Variants in TAF3 observed in about 807,000 individuals in gnomAD.
The protein encoded by TAF3 is transcription initiation factor TFIID subunit 3.
A neutral mutation model predicts 80.6 loss-of-function variants in TAF3; 7 were observed. The ratio of observed to expected loss-of-function variants is 0.09; its 90% CI spans 0.05 to 0.16. The LOEUF is 0.16. TAF3 is among the 10% of genes least tolerant of loss of function. TAF3 has a pLI of 1.00. For missense variants in TAF3, 921 were observed against 1,140.2 expected, an observed-to-expected ratio of 0.81 and a Z score of 2.77; for synonymous variants, 444 against 446.1, an observed-to-expected ratio of 1.00 and a Z score of 0.06.
At chr10:7,903,545 T>TA (rs781700965) in intron 2 of TAF3, among the ~76,000 whole-genome samples, 8 of 152,246 alleles carry the variant, frequency 5.3e-5, no homozygotes, top group Admixed American at 2.6e-4. Context: ...AATATGTTTT[T>TA]ATCTTAGGAA....
intron 4 of TAF3, among the ~76,000 whole-genome samples, chr10:7,986,702 T>C (rs1470470167): frequency 1.3e-5 from 2 of 152,136 alleles, no homozygotes; most frequent in Non-Finnish European, 2.9e-5. Context: ...TAGACACAAA[T>C]GGTCAGGTCA....
intron 2 of TAF3, among the ~76,000 whole-genome samples, chr10:7,861,843 CTT>C (rs1212032807): frequency 6.6e-6 from 1 of 151,832 alleles, no homozygotes; most frequent in Non-Finnish European, 1.5e-5. Flanking sequence ...GTATTTATGT[CTT>C]TTTCCAAACT....
chr10:7,947,674 A>T (rs981026726), intron 2 of TAF3, among the ~76,000 whole-genome samples: 1 of 152,184 alleles, frequency 6.6e-6, no homozygotes, highest in Non-Finnish European at 1.5e-5. Flanking sequence ...GAAGCATCGA[A>T]GATGCCAGCA....
chr10:7,910,135 A>G (rs1472370003), intron 2 of TAF3, among the ~76,000 whole-genome samples: 3 of 152,074 alleles, frequency 2.0e-5, no homozygotes, highest in African/African-American at 7.2e-5. Context: ...GAGTCCAAGG[A>G]TGCACAGCCT....
At chr10:7,954,679 C>T (rs1838117986) in intron 2 of TAF3, among the ~76,000 whole-genome samples, 2 of 130,052 alleles carry the variant, frequency 1.5e-5, no homozygotes, top group Non-Finnish European at 3.3e-5. Context: ...GTGGATTAGT[C>T]CTAGTTAACA....
chr10:7,868,263 C>T (rs949568191), intron 2 of TAF3, among the ~76,000 whole-genome samples: 16 of 152,326 alleles, frequency 1.1e-4, no homozygotes, highest in African/African-American at 3.8e-4. Flanking sequence ...ACAAGAACAG[C>T]AAGCTCTGGT....
chr10:7,867,590 TG>T (rs1837225938), intron 2 of TAF3, among the ~76,000 whole-genome samples: 1 of 152,232 alleles, frequency 6.6e-6, no homozygotes, highest in South Asian at 2.1e-4. Flanking sequence ...TGTCTGAATA[TG>T]GAGGAGACAG....
At position 8,001,517 on chromosome 10, in the gene TAF3, G is replaced by T. The variant is rs188895460; in HGVS notation, c.2316-7561G>T. 5.9e-5 allele frequency among the ~76,000 whole-genome samples: 9 copies of T among 152,232 alleles called. 1 individual carries two copies. In the East Asian group the frequency reaches 1.7e-3, roughly 29 times the overall value. On this transcript the variant is annotated intron_variant, in intron 4 of 6. Transcript: ENST00000344293. Reference sequence around the variant, plus strand: ...GCGTAATGCTTTATTGTTGCAAGTAGTTTGCTTCACTTTGTCTTTTGCCTT... The same window carrying T: ...GCGTAATGCTTTATTGTTGCAAGTATTTTGCTTCACTTTGTCTTTTGCCTT...
At chr10:7,894,425 G>T (rs779320043) in intron 2 of TAF3, among the ~76,000 whole-genome samples, 2 of 152,198 alleles carry the variant, frequency 1.3e-5, no homozygotes. Flanking sequence ...GAGAAGTTAG[G>T]TCACTGGTGG....
chr10:7,935,134 G>T (rs992605290), intron 2 of TAF3, among the ~76,000 whole-genome samples: 1 of 152,054 alleles, frequency 6.6e-6, no homozygotes, highest in Non-Finnish European at 1.5e-5. Context: ...AAAATCAGCT[G>T]TGCGTGCTGG....
At chr10:7,976,440 A>C (rs1386811836) in intron 3 of TAF3, among the ~76,000 whole-genome samples, 1 of 133,346 alleles carries the variant, frequency 7.5e-6, no homozygotes, top group Non-Finnish European at 1.6e-5. Context: ...TTTGAGACGG[A>C]GTCTCGCTGT....
At chr10:8,008,910 G>A (rs1292623393) in intron 4 of TAF3, among the ~76,000 whole-genome samples, 168 bp from the exon 5 acceptor site, 4 of 152,238 alleles carry the variant, frequency 2.6e-5, no homozygotes, top group African/African-American at 9.6e-5. Context: ...CTGAGTAAGT[G>A]GAGAGGCCAC....
rs1407034019 is a variant in TAF3, at chr10:7,863,677, A to G, written c.409+39117A>G. Among the ~76,000 whole-genome samples the G allele has an allele frequency of 6.4e-5, 4 of 62,640 alleles. 2 individuals carry two copies. The Admixed American group carries it at 7.3e-4, about 11-fold the overall frequency. 41.1% of individuals were successfully genotyped at this position (62,640 alleles called of 152,430 possible). A position where few individuals can be genotyped will look rare whatever the true frequency, so the allele number is the denominator to read the frequency against. On this transcript the variant is annotated intron_variant, in intron 2 of 6. Coordinates refer to ENST00000344293, the MANE Select transcript of TAF3 (RefSeq NM_031923.4). ...CACACATATATATATACACACATAT[A>G]TATATATACACACACATATATATAT...
chr10:7,856,162 G>A (rs904210628), intron 2 of TAF3, among the ~76,000 whole-genome samples: 5 of 152,098 alleles, frequency 3.3e-5, no homozygotes, highest in Admixed American at 3.3e-4. Context: ...AGAAAATAAA[G>A]GTAAGGAAAT....
intron 2 of TAF3, among the ~76,000 whole-genome samples, chr10:7,862,991 A>G (rs1460715769): frequency 6.6e-6 from 1 of 152,178 alleles, no homozygotes; most frequent in Non-Finnish European, 1.5e-5. Context: ...AATAACGTTG[A>G]TATGAACATT....
At chr10:7,951,273 A>T (rs1308123243) in intron 2 of TAF3, among the ~76,000 whole-genome samples, 1 of 152,232 alleles carries the variant, frequency 6.6e-6, no homozygotes, top group Non-Finnish European at 1.5e-5. Context: ...TAAAACAGCA[A>T]CCGTTTACTA....
intron 2 of TAF3, among the ~76,000 whole-genome samples, chr10:7,875,471 A>G (rs552246312): frequency 6.6e-6 from 1 of 152,300 alleles, no homozygotes; most frequent in South Asian, 2.1e-4. Flanking sequence ...GTGTTATAAG[A>G]AAGAGAAAAC....
intron 2 of TAF3, among the ~76,000 whole-genome samples, chr10:7,911,953 C>A (rs1025715439): frequency 1.4e-4 from 22 of 152,274 alleles, no homozygotes; most frequent in Admixed American, 5.9e-4. Flanking sequence ...AAAGCCCTTA[C>A]TTTAAATCAT....
intron 2 of TAF3, among the ~76,000 whole-genome samples, chr10:7,925,126 C>T (rs1837802784): frequency 6.6e-6 from 1 of 152,176 alleles, no homozygotes; most frequent in African/African-American, 2.4e-5. Context: ...AACGAGTTTT[C>T]TGTGAACCTT....
Sources: gnomAD v4.1 joint callset for allele counts (sites outside exome capture counted in the v4.1 genomes callset) on GRCh38, gnomAD v4.1.1 for gene constraint, MANE v1.5 for transcripts, NCBI Gene and HGNC (gene_info 2026-07-23, HGNC 2026-07-21) for gene names.